Variants in RFX3 observed in about 807,000 individuals in gnomAD.
RFX3 encodes regulatory factor X3.
Under a neutral mutation model 98.6 loss-of-function variants are expected in RFX3, and 14 were observed. The observed-to-expected ratio is 0.14, with a 90% CI of 0.09 to 0.22. The LOEUF (loss-of-function observed/expected upper bound fraction) is 0.22, where lower values mean the gene tolerates loss of function less well. Among genes scored for constraint, RFX3 ranks in the 10% least tolerant of loss-of-function variants. The probability of loss-of-function intolerance (pLI) is 1.00; values close to 1 mark genes in which losing one functional copy is unlikely to be tolerated. For missense variants in RFX3, 639 were observed against 926.9 expected (o/e 0.69, Z 4.03); for synonymous variants, 383 against 328.4 (o/e 1.17, Z -1.80).
intron 1 of RFX3, among the ~76,000 whole-genome samples, chr9:3,451,682 T>C (rs1846651300): frequency 6.6e-6 from 1 of 152,192 alleles, no homozygotes; most frequent in African/African-American, 2.4e-5. Flanking sequence ...AGGCTGCATA[T>C]AGTGACTTCC....
chr9:3,472,691 T>C (rs1253745238), intron 1 of RFX3, among the ~76,000 whole-genome samples: 1 of 152,190 alleles, frequency 6.6e-6, no homozygotes, highest in Non-Finnish European at 1.5e-5. Flanking sequence ...ATCAGATATG[T>C]AGCAACCATT....
chr9:3,277,319 A>G (rs757574839), intron 8 of RFX3, 21 bp downstream of exon 8: 1 of 1,610,420 alleles, frequency 6.2e-7, no homozygotes. Context: ...AGCAACTAAT[A>G]TGCATTACAC....
chr9:3,226,964 T>G (rs534433334), intron 16 of RFX3, among the ~76,000 whole-genome samples: 9 of 152,268 alleles, frequency 5.9e-5, no homozygotes, highest in South Asian at 4.1e-4. Flanking sequence ...ATTCTCATTT[T>G]GTGGGAGAAG....
intron 4 of RFX3, among the ~76,000 whole-genome samples, chr9:3,320,663 A>ATGATT (rs60881250): frequency 0.26 from 38,266 of 148,680 alleles, 8,935 homozygotes; most frequent in African/African-American, 0.63. Context: ...TTCGCTCAAC[A>ATGATT]TGGAGACTTT....
chr9:3,281,836 G>A (rs991677213), intron 7 of RFX3, among the ~76,000 whole-genome samples: 4 of 151,628 alleles, frequency 2.6e-5, no homozygotes, highest in Admixed American at 6.6e-5. Flanking sequence ...CCACACACAT[G>A]GGTACTAAAA....
At chr9:3,320,420 G>A (rs1203095749) in intron 4 of RFX3, among the ~76,000 whole-genome samples, 2 of 151,854 alleles carry the variant, frequency 1.3e-5, no homozygotes, top group Admixed American at 1.3e-4. Context: ...CGGGTGTGGT[G>A]GCGCATGCCT....
At chr9:3,445,744 G>A (rs572349849) in intron 1 of RFX3, among the ~76,000 whole-genome samples, 6 of 152,086 alleles carry the variant, frequency 3.9e-5, no homozygotes, top group East Asian at 1.9e-4. Flanking sequence ...AGATCTTCCC[G>A]CCTACTTTTC....
chr9:3,228,772 T>C (rs773112497), intron 16 of RFX3, 75 bp downstream of exon 16: 22 of 1,219,968 alleles, frequency 1.8e-5, no homozygotes, highest in Non-Finnish European at 2.6e-5. Context: ...GTTGTAAACA[T>C]ATACCGTATT....
chr9:3,402,964 T>C (rs1168071409), intron 1 of RFX3, among the ~76,000 whole-genome samples: 1 of 152,012 alleles, frequency 6.6e-6, no homozygotes, highest in Non-Finnish European at 1.5e-5. Context: ...AAAGACGATG[T>C]ACAATGATGG....
At chr9:3,374,189 G>A (rs549149243) in intron 2 of RFX3, among the ~76,000 whole-genome samples, 31 of 152,198 alleles carry the variant, frequency 2.0e-4, no homozygotes, top group African/African-American at 7.2e-4. Flanking sequence ...TGTTGGTGAG[G>A]GTGTGGAGAA....
chr9:3,383,437 G>A (rs1411626161), intron 2 of RFX3, among the ~76,000 whole-genome samples: 2 of 151,992 alleles, frequency 1.3e-5, no homozygotes, highest in Non-Finnish European at 2.9e-5. Flanking sequence ...CTGTCAGAGG[G>A]CTTATAGCAC....
At chr9:3,466,619 T>G (rs1564137725) in intron 1 of RFX3, among the ~76,000 whole-genome samples, 2 of 152,080 alleles carry the variant, frequency 1.3e-5, no homozygotes, top group Non-Finnish European at 1.5e-5. Context: ...AGCCATTGGA[T>G]AGGAGACTTT....
chr9:3,256,953 A>C, intron 14 of RFX3, 38 bp downstream of exon 14: 2 of 1,560,812 alleles, frequency 1.3e-6, no homozygotes, highest in East Asian at 2.2e-5. Context: ...TATTTGCAGA[A>C]TATGAAGAAG....
At chr9:3,428,250 C>T (rs1270854584) in intron 1 of RFX3, among the ~76,000 whole-genome samples, 1 of 152,164 alleles carries the variant, frequency 6.6e-6, no homozygotes, top group Non-Finnish European at 1.5e-5. Context: ...CTTATTCTCT[C>T]TCACTCTTTC....
chr9:3,375,691 T>C (rs1018863341), intron 2 of RFX3, among the ~76,000 whole-genome samples: 1 of 152,224 alleles, frequency 6.6e-6, no homozygotes, highest in African/African-American at 2.4e-5. Flanking sequence ...CCAGGCATGG[T>C]GGCTCACACC....
chr9:3,434,731 T>C (rs1844966472), intron 1 of RFX3, among the ~76,000 whole-genome samples: 2 of 152,072 alleles, frequency 1.3e-5, no homozygotes, highest in Non-Finnish European at 1.5e-5. Context: ...AGCTCAGCCA[T>C]GGGTGTCTTC....
intron 1 of RFX3, among the ~76,000 whole-genome samples, chr9:3,407,707 AT>A (rs1035549235): frequency 1.7e-4 from 26 of 152,082 alleles, no homozygotes; most frequent in African/African-American, 6.3e-4. Context: ...ATATGCTATA[AT>A]TTTTTAATCC....
chr9:3,467,104 A>G (rs1266332412), intron 1 of RFX3, among the ~76,000 whole-genome samples: 2 of 143,540 alleles, frequency 1.4e-5, no homozygotes, highest in African/African-American at 2.6e-5. Flanking sequence ...ATGTAAGTAT[A>G]TATGTATATA....
chr9:3,444,509 G>C (rs1289771649), intron 1 of RFX3, among the ~76,000 whole-genome samples: 1 of 152,086 alleles, frequency 6.6e-6, no homozygotes, highest in Non-Finnish European at 1.5e-5. Flanking sequence ...TGATTGTACT[G>C]TTAGTTTCAC....
Sources: allele counts gnomAD v4.1 joint callset (sites outside exome capture counted in the v4.1 genomes callset), GRCh38; gene constraint gnomAD v4.1.1; transcripts MANE v1.5; gene names NCBI Gene and HGNC (gene_info 2026-07-23, HGNC 2026-07-21).